Variants in SPOCK1 observed in about 807,000 individuals in gnomAD.
The protein encoded by SPOCK1 is SPARC (osteonectin), cwcv and kazal like domains proteoglycan 1.
Under a neutral mutation model 55.3 loss-of-function variants are expected in SPOCK1, and 23 were observed. The observed-to-expected ratio is 0.42, with a 90% CI of 0.30 to 0.59. The LOEUF (loss-of-function observed/expected upper bound fraction) is 0.59. Ranked by LOEUF, SPOCK1 falls within the 20% of genes least tolerant of loss-of-function variation. The probability of loss-of-function intolerance (pLI) is 0.22; values close to 1 mark genes in which losing one functional copy is unlikely to be tolerated. For synonymous variants in SPOCK1, 226 were observed against 221.0 expected (o/e 1.02, Z -0.20); for missense variants, 499 against 552.5 (o/e 0.90, Z 0.97).
chr5:137,126,670 G>A (rs1166318310), intron 4 of SPOCK1, among the ~76,000 whole-genome samples: 1 of 152,156 alleles, frequency 6.6e-6, no homozygotes, highest in African/African-American at 2.4e-5. Flanking sequence ...GCTGAGGCAG[G>A]GGAATCACTT....
At chr5:137,178,075 A>G (rs1221060769) in intron 3 of SPOCK1, among the ~76,000 whole-genome samples, 1 of 152,132 alleles carries the variant, frequency 6.6e-6, no homozygotes, top group East Asian at 1.9e-4. Context: ...CTCTGAGGCA[A>G]TTTCACCCCT....
chr5:137,383,898 C>G (rs1172478441), intron 2 of SPOCK1, among the ~76,000 whole-genome samples: 1 of 152,208 alleles, frequency 6.6e-6, no homozygotes, highest in Non-Finnish European at 1.5e-5. Flanking sequence ...CACTGGCTCC[C>G]ACCTCATCAG....
chr5:137,222,101 C>T (rs1361131403), intron 3 of SPOCK1, among the ~76,000 whole-genome samples: 1 of 152,202 alleles, frequency 6.6e-6, no homozygotes, highest in African/African-American at 2.4e-5. Context: ...GTACTCAAAA[C>T]TCTGGCTTTT....
At chr5:137,186,375 C>G (rs1275984204) in intron 3 of SPOCK1, among the ~76,000 whole-genome samples, 1 of 152,182 alleles carries the variant, frequency 6.6e-6, no homozygotes, top group East Asian at 1.9e-4. Context: ...AATGGCTAGA[C>G]AGTGACATAA....
chr5:137,230,105 C>T (rs1400758594), intron 3 of SPOCK1, among the ~76,000 whole-genome samples: 2 of 152,210 alleles, frequency 1.3e-5, no homozygotes, highest in East Asian at 3.8e-4. Context: ...TAAGCTTGCC[C>T]CATCTTTCTT....
chr5:137,351,212 A>C (rs532410870), intron 2 of SPOCK1, among the ~76,000 whole-genome samples: 2 of 152,176 alleles, frequency 1.3e-5, no homozygotes, highest in South Asian at 4.2e-4. Context: ...CTGGATCCCC[A>C]CCTCCCACCA....
intron 3 of SPOCK1, among the ~76,000 whole-genome samples, chr5:137,221,511 C>T (rs558214650): frequency 7.8e-4 from 119 of 152,136 alleles, no homozygotes; most frequent in African/African-American, 2.7e-3. Flanking sequence ...CTCCGGGTGT[C>T]GAAAACAGCA....
intron 2 of SPOCK1, among the ~76,000 whole-genome samples, chr5:137,390,717 T>C (rs1751701181): frequency 6.6e-6 from 1 of 152,048 alleles, no homozygotes; most frequent in Admixed American, 6.5e-5. Flanking sequence ...CTTCAGAAAA[T>C]CTGTTCTGAG....
chr5:137,227,307 C>T (rs1457303734), intron 3 of SPOCK1, among the ~76,000 whole-genome samples: 1 of 152,174 alleles, frequency 6.6e-6, no homozygotes, highest in Admixed American at 6.5e-5. Context: ...AAGGAGTAGG[C>T]CAGTCTTAGA....
At chr5:137,455,737 T>C (rs1296555355) in intron 2 of SPOCK1, among the ~76,000 whole-genome samples, 3 of 152,090 alleles carry the variant, frequency 2.0e-5, no homozygotes, top group Non-Finnish European at 4.4e-5. Flanking sequence ...TGGCTTAAGA[T>C]TCAGAGACTT....
At chr5:137,347,811 TCTGGCACAGGCGTAAC>T (rs1750592072) in intron 2 of SPOCK1, among the ~76,000 whole-genome samples, 1 of 152,112 alleles carries the variant, frequency 6.6e-6, no homozygotes, top group Non-Finnish European at 1.5e-5. Context: ...CCACGCCTCC[TCTGGCACAGGCGTAAC>T]GTGATGGCTC....
intron 2 of SPOCK1, among the ~76,000 whole-genome samples, chr5:137,461,783 C>T (rs1428385311): frequency 6.6e-6 from 1 of 152,216 alleles, no homozygotes; most frequent in Non-Finnish European, 1.5e-5. Context: ...GAGACAATAA[C>T]TGAAACTCAG....
intron 6 of SPOCK1, among the ~76,000 whole-genome samples, chr5:137,061,409 C>A (rs1217455686): frequency 6.6e-6 from 1 of 152,194 alleles, no homozygotes; most frequent in Non-Finnish European, 1.5e-5. Flanking sequence ...GAATCTAGCC[C>A]TCGGGTTGAA....
chr5:137,056,778 AGTAAGGCCAAGGAGTCCAGAGTAAAT>A (rs1385417344), intron 6 of SPOCK1, among the ~76,000 whole-genome samples: 4 of 152,064 alleles, frequency 2.6e-5, no homozygotes, highest in African/African-American at 9.7e-5. Context: ...GACCAAACAT[AGTAAGGCCAAGGAGTCCAGAGTAAAT>A]TGGTGCTCTC....
At position 137,309,414 on chromosome 5, in the gene SPOCK1, C is replaced by T. The variant is rs74361041; in HGVS notation, c.187-42359G>A. On this transcript the variant is annotated intron_variant, in intron 2 of 10. Coordinates refer to ENST00000394945, the MANE Select transcript of SPOCK1 (RefSeq NM_004598.4). Reference sequence around the variant, plus strand: ...CTGGTCTCCAGGCCTTTGTCCTCACCACCTGTTTCAGGAGCCCACTCCAGC... The same window carrying T: ...CTGGTCTCCAGGCCTTTGTCCTCACTACCTGTTTCAGGAGCCCACTCCAGC... Among the ~76,000 whole-genome samples the T allele has an allele frequency of 2.6e-3, 393 of 152,294 alleles. 5 individuals carry two copies. Among genetic ancestry groups the T allele is most frequent in the African/African-American group, 8.9e-3 (370 of 41,550 alleles).
At chr5:137,187,796 T>C (rs1360649441) in intron 3 of SPOCK1, among the ~76,000 whole-genome samples, 2 of 152,180 alleles carry the variant, frequency 1.3e-5, no homozygotes, top group Non-Finnish European at 2.9e-5. Context: ...ATGATAAAGC[T>C]GTTCAGGTCA....
Position 137,459,105 on chromosome 5 carries a change from G to A in SPOCK1, c.186+39268C>T, listed in dbSNP as rs976208023. 3.9e-5 allele frequency among the ~76,000 whole-genome samples: 6 copies of A among 152,224 alleles called. No individual in the cohort carries two copies. In the East Asian group the frequency reaches 5.8e-4, roughly 15 times the overall value. On this transcript the variant is annotated intron_variant, in intron 2 of 10. Transcript: ENST00000394945. ...CCCTATATCGAGTGAGTGTGTTGGT[G>A]ACTACATGTTGAACCAGACAGGGCC...
At chr5:137,101,891 A>T (rs970635409) in intron 5 of SPOCK1, among the ~76,000 whole-genome samples, 1 of 152,212 alleles carries the variant, frequency 6.6e-6, no homozygotes, top group African/African-American at 2.4e-5. Flanking sequence ...ATGACACTAG[A>T]TCACATTCCC....
chr5:137,366,340 T>G (rs1281944397), intron 2 of SPOCK1, among the ~76,000 whole-genome samples: 1 of 150,662 alleles, frequency 6.6e-6, no homozygotes, highest in Non-Finnish European at 1.5e-5. Context: ...ATAGCTACCA[T>G]TTACTGAACA....
Sources: allele counts gnomAD v4.1 joint callset (sites outside exome capture counted in the v4.1 genomes callset), GRCh38; gene constraint gnomAD v4.1.1; transcripts MANE v1.5; gene names NCBI Gene and HGNC (gene_info 2026-07-23, HGNC 2026-07-21).